NGEF: variants seen among roughly 807,000 people sequenced by gnomAD.
NGEF encodes the protein ephexin-1.
NGEF carries 31 observed loss-of-function variants against 80.9 expected under a neutral mutation model. The ratio of observed to expected loss-of-function variants is 0.38; its 90% CI spans 0.29 to 0.52. NGEF has a LOEUF of 0.52. Among genes scored for constraint, NGEF ranks in the 20% least tolerant of loss-of-function variants. The pLI is 0.84. For missense variants in NGEF, 709 were observed against 926.2 expected, an observed-to-expected ratio of 0.77 and a Z score of 3.04; for synonymous variants, 371 against 370.2, an observed-to-expected ratio of 1.00 and a Z score of -0.03.
chr2:232,901,226 G>T, intron 5 of NGEF: 1 of 283,808 alleles, frequency 3.5e-6, no homozygotes, highest in Non-Finnish European at 5.3e-6. Context: ...TCAAACATGG[G>T]CCATGCTGCC....
intron 9 of NGEF, among the ~76,000 whole-genome samples, chr2:232,886,622 T>TA (rs11363151): frequency 5.9e-5 from 9 of 151,602 alleles, no homozygotes; most frequent in South Asian, 4.2e-4. Context: ...CCTTCATTTT[T>TA]AAAAAAAAAA....
intron 1 of NGEF, among the ~76,000 whole-genome samples, chr2:232,975,817 A>C (rs2344969): frequency 0.59 from 89,208 of 151,882 alleles, 27,370 homozygotes; most frequent in African/African-American, 0.73. Context: ...ACCTGGGGTC[A>C]CATGGATTCT....
At chr2:232,914,611 G>A (rs920682634) in intron 5 of NGEF, among the ~76,000 whole-genome samples, 4 of 152,116 alleles carry the variant, frequency 2.6e-5, no homozygotes, top group African/African-American at 7.2e-5. Context: ...GCTGAGGCAC[G>A]AGAATTGCTT....
intron 3 of NGEF, among the ~76,000 whole-genome samples, chr2:232,941,382 CAAG>C (rs1352093380): frequency 6.6e-6 from 1 of 152,174 alleles, no homozygotes; most frequent in African/African-American, 2.4e-5. Flanking sequence ...AGTCCCCAGG[CAAG>C]AAGGAGGTCT....
At chr2:232,887,977 G>A (rs1056110798) in intron 9 of NGEF, 56 bp downstream of exon 9, 1 of 1,347,290 alleles carries the variant, frequency 7.4e-7, no homozygotes, top group African/African-American at 1.4e-5. Context: ...GGAAAGGTGT[G>A]CCTGGATGAG....
At chr2:232,888,668 G>C (rs533294051) in intron 8 of NGEF, among the ~76,000 whole-genome samples, 1 of 152,252 alleles carries the variant, frequency 6.6e-6, no homozygotes, top group East Asian at 1.9e-4. Flanking sequence ...GTCACGCTTA[G>C]GGTCAGCTCT....
intron 5 of NGEF, among the ~76,000 whole-genome samples, chr2:232,913,643 G>A (rs567534211): frequency 1.0e-3 from 157 of 152,170 alleles, no homozygotes; most frequent in Middle Eastern, 3.4e-3. Flanking sequence ...TTTTGTAGCC[G>A]GGCGCGGTGA....
intron 3 of NGEF, among the ~76,000 whole-genome samples, chr2:232,968,203 C>T (rs1167947190): frequency 2.0e-5 from 3 of 151,420 alleles, no homozygotes; most frequent in African/African-American, 7.3e-5. Context: ...ATTCTCCTGC[C>T]TCAGCCTCCT....
At chr2:233,002,091 A>C (rs919586143) in intron 1 of NGEF, among the ~76,000 whole-genome samples, 1 of 152,176 alleles carries the variant, frequency 6.6e-6, no homozygotes, top group Non-Finnish European at 1.5e-5. Context: ...TTCGTCTCTC[A>C]TCTAAAATAG....
chr2:232,959,069 C>T (rs1693891545), intron 3 of NGEF, among the ~76,000 whole-genome samples: 1 of 152,172 alleles, frequency 6.6e-6, no homozygotes, highest in Admixed American at 6.6e-5. Context: ...GGCTCAAACA[C>T]CCCCTCCCCA....
At position 232,892,120 on chromosome 2, in the gene NGEF, C is replaced by T. The variant is rs765039765; in HGVS notation, c.1143-633G>A. Among the ~76,000 whole-genome samples, 1 of 152,146 alleles carries T rather than the reference C, an allele frequency of 6.6e-6. No individual in the cohort carries two copies. The highest frequency in any genetic ancestry group is 6.5e-5 in the Admixed American group (1 of 15,286). ...TGATTCCTAATCTGCCACATGCTTGCCTTCTCAATGTTTATCCTCAAAAAT... is the reference window on the plus strand; with the variant it reads ...TGATTCCTAATCTGCCACATGCTTGTCTTCTCAATGTTTATCCTCAAAAAT... On this transcript the variant is annotated intron_variant, in intron 7 of 14. Transcript: ENST00000264051. This position sits in a 1 kb window ranked among gnomAD's most constrained non-coding sequence, Gnocchi z 4.0.
At chr2:233,004,542 G>A (rs375798038) in intron 1 of NGEF, among the ~76,000 whole-genome samples, 43 of 152,310 alleles carry the variant, frequency 2.8e-4, no homozygotes, top group African/African-American at 1.0e-3. Context: ...GCTTGTCAAG[G>A]CCATCAGGGC....
intron 6 of NGEF, among the ~76,000 whole-genome samples, chr2:232,894,232 C>T (rs1255823781): frequency 6.6e-6 from 1 of 152,352 alleles, no homozygotes; most frequent in Non-Finnish European, 1.5e-5. Context: ...CCAGGCTTCA[C>T]ACAGTCCCTG....
intron 3 of NGEF, among the ~76,000 whole-genome samples, chr2:232,963,252 G>A (rs778126490): frequency 1.6e-4 from 24 of 151,742 alleles, no homozygotes; most frequent in Non-Finnish European, 3.4e-4. Context: ...ACATGTCTAC[G>A]GTCATTGGAC....
rs1559194984 is a variant in NGEF at position 232,892,871 on chromosome 2, CCT to C, written c.1142+25_1142+26del. The C allele has an allele frequency of 3.7e-6, 6 of 1,608,380 alleles. No homozygotes were observed. The highest frequency in any genetic ancestry group is 2.2e-5 in the East Asian group (1 of 44,804). Reference sequence around the variant, plus strand: ...GCTGCCCCGGGCACCTCCCCCTGCCCCTGAGCCCCTTGCCGGATACACTCACA... The same window carrying C: ...GCTGCCCCGGGCACCTCCCCCTGCCCGAGCCCCTTGCCGGATACACTCACA... On this transcript the variant is annotated intron_variant, in intron 7 of 14. Transcript: ENST00000264051. The surrounding 1 kb of genome is among the most constrained non-coding windows in gnomAD (Gnocchi z 4.0).
rs1164927573 is a variant in NGEF at position 232,944,744 on chromosome 2, T to TATATATATATAC, written c.384-17559_384-17558insGTATATATATAT. Among the ~76,000 whole-genome samples, 5 of 98,644 alleles carry TATATATATATAC rather than the reference T, an allele frequency of 5.1e-5. No individual in the cohort carries two copies. The East Asian group carries it at 1.1e-3, about 22-fold the overall frequency. 64.7% of individuals were successfully genotyped at this position (98,644 alleles called of 152,430 possible). ...TTTTCCGAATATATATATATATATA[T>TATATATATATAC]ATATATATATATATATATCTTTTTG... On this transcript the variant is annotated intron_variant, in intron 3 of 14. Coordinates refer to ENST00000264051, the MANE Select transcript of NGEF (RefSeq NM_019850.3).
At chr2:232,974,993 G>T (rs1017912192) in intron 1 of NGEF, 29 bp from the exon 2 acceptor site, 43 of 1,188,946 alleles carry the variant, frequency 3.6e-5, no homozygotes, top group Non-Finnish European at 4.9e-5. Context: ...ACAATTTTCA[G>T]TTAGTCATCA....
intron 3 of NGEF, among the ~76,000 whole-genome samples, chr2:232,958,416 G>A (rs530049399): frequency 8.2e-4 from 125 of 152,268 alleles, no homozygotes; most frequent in African/African-American, 2.9e-3. Context: ...TCTTCAAGAG[G>A]TCAGTGGTTG....
intron 9 of NGEF, 28 bp downstream of exon 9, chr2:232,888,005 A>AG: frequency 6.3e-7 from 1 of 1,584,856 alleles, no homozygotes; most frequent in Non-Finnish European, 8.7e-7. Context: ...GTGCATTGGG[A>AG]TACAGCACAA....
Sources: allele counts gnomAD v4.1 joint callset (sites outside exome capture counted in the v4.1 genomes callset), GRCh38; gene constraint gnomAD v4.1.1; non-coding constraint Gnocchi (gnomAD v3.1); transcripts MANE v1.5; gene names NCBI Gene and HGNC (gene_info 2026-07-23, HGNC 2026-07-21).